TAFA5: variants seen among roughly 807,000 people sequenced by gnomAD.
TAFA5 encodes chemokine-like protein TAFA-5.
Under a neutral mutation model 15.3 loss-of-function variants are expected in TAFA5, and 6 were observed. That is an observed-to-expected ratio of 0.39 (90% CI 0.21 to 0.77). The LOEUF (loss-of-function observed/expected upper bound fraction) is 0.77, where lower values mean the gene tolerates loss of function less well. TAFA5 is among the 30% of genes least tolerant of loss of function. The pLI, the probability that TAFA5 is intolerant of heterozygous loss-of-function variation, is 0.41. For missense variants in TAFA5, 161 were observed against 193.1 expected, an observed-to-expected ratio of 0.83 and a Z score of 0.98; for synonymous variants, 103 against 80.7, an observed-to-expected ratio of 1.28 and a Z score of -1.48.
chr22:48,646,709 C>T lies in TAFA5; in HGVS notation c.225C>T (p.Ile75=), dbSNP rs1314036489. The change falls in exon 2 of 4, where the codon ATC becomes ATT. Residue 75 remains isoleucine, a synonymous_variant. Coordinates refer to ENST00000402357, the MANE Select transcript of TAFA5 (RefSeq NM_001082967.3). ...GCTGTGCGTGTAGAAAGGGGCAGAT[C>T]GCCGGCACCACGAGAGCCCGGCCCG... The part of the protein sequence containing the change: ...TARCACRKGQ[I]AGTTRARPAC... 5.6e-6 allele frequency: 9 copies of T among 1,601,330 alleles called. No homozygotes were observed. The highest frequency in any genetic ancestry group is 1.7e-5 in the Admixed American group (1 of 59,000).
intron 2 of TAFA5, among the ~76,000 whole-genome samples, chr22:48,699,999 G>T (rs1248489823): frequency 6.6e-6 from 1 of 152,080 alleles, no homozygotes; most frequent in African/African-American, 2.4e-5. Flanking sequence ...GGCCTTTGCT[G>T]GATGTGATGT....
intron 1 of TAFA5, 150 bp from the exon 2 acceptor site, chr22:48,646,447 G>A: frequency 1.0e-6 from 1 of 995,024 alleles, no homozygotes; most frequent in East Asian, 2.7e-5. Context: ...AGCCTTCGAG[G>A]TGCTTTCGGA....
chr22:48,686,390 T>C (rs1486731551), intron 2 of TAFA5, among the ~76,000 whole-genome samples: 2 of 152,220 alleles, frequency 1.3e-5, no homozygotes, highest in African/African-American at 2.4e-5. Context: ...CTTCTGGCTG[T>C]GTCCTCACAT....
At chr22:48,725,983 G>A (rs1042320693) in intron 3 of TAFA5, among the ~76,000 whole-genome samples, 1 of 152,118 alleles carries the variant, frequency 6.6e-6, no homozygotes, top group Admixed American at 6.6e-5. Flanking sequence ...TGATATCTTT[G>A]AATTTCAAGA....
In TAFA5 at chr22:48,723,684, T is replaced by G. The variant is rs149220417; in HGVS notation, c.390+15840T>G. On this transcript the variant is annotated intron_variant, in intron 3 of 3. Coordinates refer to ENST00000402357, the MANE Select transcript of TAFA5 (RefSeq NM_001082967.3). ...GTGGGAGACCTTGTGGAAGTCAGTT[T>G]ATCTTTAGAGTTTCAGTTTCCTTAT... 7.9e-5 allele frequency among the ~76,000 whole-genome samples: 12 copies of G among 152,330 alleles called. No homozygotes were observed. In the East Asian group the frequency reaches 2.1e-3, roughly 27 times the overall value.
rs1415610711 is a variant in TAFA5, at chr22:48,681,836, C to G, written c.263-25881C>G. ...TTGTCCACATGTAGACTCTCCCACT[C>G]CTGCTTGATCAAACACCAGCACCCC... On this transcript the variant is annotated intron_variant, in intron 2 of 3. Coordinates refer to ENST00000402357, the MANE Select transcript of TAFA5 (RefSeq NM_001082967.3). Among the ~76,000 whole-genome samples the G allele has an allele frequency of 1.6e-5, 2 of 121,268 alleles. 1 individual carries two copies. Among genetic ancestry groups the G allele is most frequent in the Admixed American group, 1.6e-4 (2 of 12,828 alleles). 79.6% of individuals were successfully genotyped at this position (121,268 alleles called of 152,430 possible).
chr22:48,677,014 G>T (rs1423706956), intron 2 of TAFA5, among the ~76,000 whole-genome samples: 1 of 152,192 alleles, frequency 6.6e-6, no homozygotes, highest in African/African-American at 2.4e-5. Context: ...CTGCTCTCTC[G>T]TGGAGGACGC....
At chr22:48,727,769 T>A (rs1200841178) in intron 3 of TAFA5, among the ~76,000 whole-genome samples, 1 of 152,142 alleles carries the variant, frequency 6.6e-6, no homozygotes, top group East Asian at 1.9e-4. Context: ...GCAAATGCAT[T>A]TGAAAGGAAA....
At chr22:48,518,747 G>C (rs561068660) in intron 1 of TAFA5, among the ~76,000 whole-genome samples, 2 of 152,322 alleles carry the variant, frequency 1.3e-5, no homozygotes, top group African/African-American at 4.8e-5. Context: ...CACGCCCAGT[G>C]AGACTCCAGC....
At chr22:48,728,365 A>G (rs1929767818) in intron 3 of TAFA5, among the ~76,000 whole-genome samples, 2 of 152,238 alleles carry the variant, frequency 1.3e-5, no homozygotes, top group African/African-American at 4.8e-5. Context: ...GTCACATGCA[A>G]TGTCTGAAGT....
Position 48,576,280 on chromosome 22 carries a change from C to G in TAFA5, c.113-70317C>G, listed in dbSNP as rs1923793821. On this transcript the variant is annotated intron_variant, in intron 1 of 3. Transcript: ENST00000402357. ...CCCCTCCGCGGCGCCCCCCTCCCCCCGCCCGCTCCCCTCCCCCCTGCCCAG... is the reference window on the plus strand; with the variant it reads ...CCCCTCCGCGGCGCCCCCCTCCCCCGGCCCGCTCCCCTCCCCCCTGCCCAG... 5.2e-6 allele frequency: 5 copies of G among 954,692 alleles called. No individual in the cohort carries two copies. In the Admixed American group the frequency reaches 1.5e-4, roughly 28 times the overall value. The allele number at this position is 954,692 out of a possible 1,614,324, so 59.1% of individuals were successfully genotyped here. A position where few individuals can be genotyped will look rare whatever the true frequency, so the allele number is the denominator to read the frequency against.
intron 2 of TAFA5, among the ~76,000 whole-genome samples, chr22:48,661,208 G>T (rs1927427531): frequency 6.6e-6 from 1 of 152,216 alleles, no homozygotes; most frequent in Non-Finnish European, 1.5e-5. Context: ...GTCAGGGTCT[G>T]TGGCCACCTG....
At chr22:48,609,803 TC>T (rs1283284532) in intron 1 of TAFA5, among the ~76,000 whole-genome samples, 1 of 152,122 alleles carries the variant, frequency 6.6e-6, no homozygotes, top group Non-Finnish European at 1.5e-5. Flanking sequence ...GAGAAGCTGC[TC>T]CCGGCTGCTC....
At chr22:48,656,350 C>A (rs1601647945) in intron 2 of TAFA5, among the ~76,000 whole-genome samples, 1 of 151,824 alleles carries the variant, frequency 6.6e-6, no homozygotes, top group South Asian at 2.1e-4. Context: ...CTAAAAAATA[C>A]AAAAAATGAG....
intron 2 of TAFA5, among the ~76,000 whole-genome samples, chr22:48,705,587 C>T (rs1432778838): frequency 2.0e-5 from 3 of 152,234 alleles, no homozygotes; most frequent in Non-Finnish European, 2.9e-5. Flanking sequence ...GCCTGTGGTC[C>T]AGCGGCATGA....
chr22:48,645,605 T>C (rs1383030749), intron 1 of TAFA5, among the ~76,000 whole-genome samples: 1 of 152,038 alleles, frequency 6.6e-6, no homozygotes, highest in Admixed American at 6.5e-5. Context: ...CCTGCTTCCC[T>C]CGTGCCCTGT....
At chr22:48,646,532 G>T in intron 1 of TAFA5, 65 bp from the exon 2 acceptor site, 1 of 1,572,252 alleles carries the variant, frequency 6.4e-7, no homozygotes, top group Non-Finnish European at 8.6e-7. Context: ...TGGGCTCTGG[G>T]TGGGCTCTGG....
intron 1 of TAFA5, among the ~76,000 whole-genome samples, chr22:48,601,200 G>A (rs1002024736): frequency 6.6e-6 from 1 of 152,168 alleles, no homozygotes; most frequent in Non-Finnish European, 1.5e-5. Context: ...TGTAGGACTC[G>A]GTATTACCCC....
chr22:48,549,022 G>A (rs1922773364), intron 1 of TAFA5, among the ~76,000 whole-genome samples: 1 of 152,210 alleles, frequency 6.6e-6, no homozygotes, highest in Non-Finnish European at 1.5e-5. Context: ...CTAAAGAAGA[G>A]TTTTCCCACA....
Sources: allele counts gnomAD v4.1 joint callset (sites outside exome capture counted in the v4.1 genomes callset), GRCh38; gene constraint gnomAD v4.1.1; transcripts MANE v1.5; gene names NCBI Gene and HGNC (gene_info 2026-07-23, HGNC 2026-07-21).